PPFIA2: variants seen among roughly 807,000 people sequenced by gnomAD.
PPFIA2 encodes the protein PPFI scaffold protein A2, also known as liprin-alpha-2.
In PPFIA2, 46 loss-of-function variants were observed where a neutral mutation model predicts 175.5. The observed-to-expected ratio is 0.26, with a 90% CI of 0.21 to 0.34. The LOEUF (loss-of-function observed/expected upper bound fraction) is 0.34. Ranked by LOEUF, PPFIA2 falls within the 10% of genes least tolerant of loss-of-function variation. The pLI is 1.00. For synonymous variants in PPFIA2, 568 were observed against 511.4 expected (o/e 1.11, Z -1.49); for missense variants, 1,179 against 1,506.1 (o/e 0.78, Z 3.60).
chr12:81,470,562 A>G (rs1393775879), intron 4 of PPFIA2, among the ~76,000 whole-genome samples: 5 of 152,198 alleles, frequency 3.3e-5, no homozygotes, highest in Non-Finnish European at 7.3e-5. Context: ...CAATTTCTCT[A>G]CTAGGTATAT....
chr12:81,427,002 G>GTTT (rs2047243555), intron 7 of PPFIA2, among the ~76,000 whole-genome samples: 2 of 152,116 alleles, frequency 1.3e-5, no homozygotes, highest in East Asian at 3.9e-4. Context: ...TTTTATCAAA[G>GTTT]TATTTGGCAT....
chr12:81,682,884 T>A (rs1034257404), intron 3 of PPFIA2, among the ~76,000 whole-genome samples: 1 of 152,066 alleles, frequency 6.6e-6, no homozygotes, highest in Non-Finnish European at 1.5e-5. Context: ...TAAGCTTCAG[T>A]CGACACAGCT....
At chr12:81,295,659 A>C (rs989489734) in intron 23 of PPFIA2, among the ~76,000 whole-genome samples, 3 of 152,182 alleles carry the variant, frequency 2.0e-5, no homozygotes, top group African/African-American at 7.2e-5. Flanking sequence ...TCATTGAAAA[A>C]CTAAAGAAAG....
chr12:81,267,143 A>G, intron 29 of PPFIA2, 123 bp from the exon 30 acceptor site: 1 of 737,720 alleles, frequency 1.4e-6, no homozygotes, highest in South Asian at 1.6e-5. Flanking sequence ...TGAAGTTTTT[A>G]GCCCTCCATG....
At chr12:81,695,919 C>T (rs1396947892) in intron 3 of PPFIA2, among the ~76,000 whole-genome samples, 1 of 151,960 alleles carries the variant, frequency 6.6e-6, no homozygotes, top group Non-Finnish European at 1.5e-5. Context: ...AAGCAGTATC[C>T]CCCCAAAATG....
chr12:81,556,095 T>C (rs1480916659), intron 4 of PPFIA2, among the ~76,000 whole-genome samples: 1 of 151,986 alleles, frequency 6.6e-6, no homozygotes, highest in Admixed American at 6.6e-5. Flanking sequence ...GGACTGGGTG[T>C]TCCTGGATCA....
In PPFIA2 at chr12:81,375,923, T is replaced by G; in HGVS notation, c.1004A>C (p.Asp335Ala). ...AAGGGTTGTAATTCTTTCTTCCATA[T>G]CTTCCTTTTGTGCCATGGCCTACAA... ...DIREAMAQKEDMEERITTLEK... is the reference protein window; with the variant it reads ...DIREAMAQKEAMEERITTLEK... The change falls in exon 10 of 33, where the codon GAT (aspartate) becomes GCT (alanine). Residue 335 changes from aspartate (D) to alanine (A), a missense_variant. Asp to Ala is a moderately radical substitution (Grantham distance 126). Around this residue, in one of 10 missense-constraint regions of PPFIA2, gnomAD observed 226 missense variants for 216.6 expected, o/e 1.04. Transcript: ENST00000549396. 6.2e-7 allele frequency: 1 copy of G among 1,613,344 alleles called. No homozygotes were observed. The highest frequency in any genetic ancestry group is 8.5e-7 in the Non-Finnish European group (1 of 1,179,504).
At chr12:81,398,131 G>T (rs1480280287) in intron 8 of PPFIA2, among the ~76,000 whole-genome samples, 1 of 152,044 alleles carries the variant, frequency 6.6e-6, no homozygotes, top group African/African-American at 2.4e-5. Context: ...CACACCCCCA[G>T]TTGGTGGAAA....
At chr12:81,672,565 T>C (rs1209167187) in intron 4 of PPFIA2, among the ~76,000 whole-genome samples, 2 of 152,060 alleles carry the variant, frequency 1.3e-5, no homozygotes, top group African/African-American at 4.8e-5. Flanking sequence ...AGATGGGTAA[T>C]CACTTATTCA....
intron 14 of PPFIA2, among the ~76,000 whole-genome samples, chr12:81,364,044 A>G (rs2032132921): frequency 6.6e-6 from 1 of 151,888 alleles, no homozygotes. Flanking sequence ...GTTAGAAAGG[A>G]GAAAACAGGG....
At position 81,423,841 on chromosome 12, in the gene PPFIA2, T is replaced by C. The variant is rs144703457; in HGVS notation, c.645+16131A>G. ...TGACATGACCACAGACATAAAAAAC[T>C]GTAAAGGCTCACTGTTATAACTAAT... On this transcript the variant is annotated intron_variant, in intron 7 of 32. Coordinates refer to ENST00000549396, the MANE Select transcript of PPFIA2 (RefSeq NM_003625.5). Among the ~76,000 whole-genome samples, 9 of 152,202 alleles carry C rather than the reference T, an allele frequency of 5.9e-5. No individual in the cohort carries two copies. In the East Asian group the frequency reaches 1.7e-3, roughly 29 times the overall value.
intron 7 of PPFIA2, among the ~76,000 whole-genome samples, chr12:81,415,253 ATATATG>A (rs1184808520): frequency 3.1e-5 from 3 of 97,356 alleles, no homozygotes; most frequent in Admixed American, 1.2e-4. Flanking sequence ...ATATATATAT[ATATATG>A]TTTGTAAGAA....
At chr12:81,397,362 G>A (rs1335189523) in intron 8 of PPFIA2, among the ~76,000 whole-genome samples, 2 of 151,972 alleles carry the variant, frequency 1.3e-5, no homozygotes, top group East Asian at 1.9e-4. Flanking sequence ...GAAGTCAGAG[G>A]GAGGAAAATA....
intron 4 of PPFIA2, among the ~76,000 whole-genome samples, chr12:81,563,913 T>C (rs1003725164): frequency 5.3e-5 from 8 of 152,204 alleles, no homozygotes; most frequent in Non-Finnish European, 7.3e-5. Context: ...ATAATAGAGA[T>C]ATTTGCCATT....
chr12:81,604,555 T>C (rs1420277957), intron 4 of PPFIA2, among the ~76,000 whole-genome samples: 1 of 151,472 alleles, frequency 6.6e-6, no homozygotes, highest in African/African-American at 2.4e-5. Flanking sequence ...CATTCTTAGT[T>C]TGATTGCTTT....
At position 81,341,099 on chromosome 12, in the gene PPFIA2, G is replaced by A; in HGVS notation, c.2372C>T (p.Ser791Phe). ...TTACCTTCGAGCATCATTGTGGTAGGAAGAAGGGAGAGTGTGAGTCATTCT... is the reference window on the plus strand; with the variant it reads ...TTACCTTCGAGCATCATTGTGGTAGAAAGAAGGGAGAGTGTGAGTCATTCT... ...ALRMTHTLPSSYHNDARSSLS... is the reference protein window; with the variant it reads ...ALRMTHTLPSFYHNDARSSLS... The change falls in exon 20 of 33, where the codon TCC becomes TTC. Residue 791 changes from serine (S) to phenylalanine (F), a missense_variant. Around this residue, in one of 10 missense-constraint regions of PPFIA2, gnomAD observed 223 missense variants for 241.6 expected, o/e 0.92. Transcript: ENST00000549396. 1 of 1,610,824 alleles carries A rather than the reference G, an allele frequency of 6.2e-7. No homozygotes were observed. Among genetic ancestry groups the A allele is most frequent in the African/African-American group, 1.3e-5 (1 of 74,906 alleles).
chr12:81,723,766 G>A (rs2079661408), intron 3 of PPFIA2, among the ~76,000 whole-genome samples: 1 of 150,906 alleles, frequency 6.6e-6, no homozygotes, highest in Non-Finnish European at 1.5e-5. Flanking sequence ...TACAAAGCAA[G>A]CTCACTGAGA....
At chr12:81,692,229 G>C (rs2075342650) in intron 3 of PPFIA2, among the ~76,000 whole-genome samples, 1 of 151,890 alleles carries the variant, frequency 6.6e-6, no homozygotes, top group African/African-American at 2.4e-5. Flanking sequence ...AGCCAGGAAA[G>C]GAAGCTTGCC....
chr12:81,457,914 C>T (rs527265277), intron 4 of PPFIA2, 48 bp from the exon 5 acceptor site: 15 of 1,285,410 alleles, frequency 1.2e-5, no homozygotes, highest in Admixed American at 5.1e-5. Context: ...GATCTAAAAG[C>T]AGAAAAAAAT....
Sources: allele counts gnomAD v4.1 joint callset (sites outside exome capture counted in the v4.1 genomes callset), GRCh38; gene constraint gnomAD v4.1.1; regional missense constraint gnomAD v4.1.1; transcripts MANE v1.5; gene names NCBI Gene and HGNC (gene_info 2026-07-23, HGNC 2026-07-21).